The following MAST2 variants were observed in gnomAD, a reference collection of about 807,000 sequenced individuals.
MAST2 encodes microtubule-associated serine/threonine-protein kinase 2.
Under a neutral mutation model 147.4 loss-of-function variants are expected in MAST2, and 70 were observed. That is an observed-to-expected ratio of 0.47 (90% CI 0.39 to 0.58). MAST2 has a LOEUF of 0.58. Ranked by LOEUF, MAST2 falls within the 20% of genes least tolerant of loss-of-function variation. The probability of loss-of-function intolerance (pLI) is 0.00; values close to 1 mark genes in which losing one functional copy is unlikely to be tolerated. For synonymous variants in MAST2, 869 were observed against 896.8 expected (o/e 0.97, Z 0.55); for missense variants, 2,080 against 2,302.3 (o/e 0.90, Z 1.98).
In MAST2 at chr1:46,036,121, C is replaced by A; in HGVS notation, c.*55C>A. ...CTGTGTAATATATGCTCCTGGAAAC[C>A]ATCTTTATGTCTTTTGCTTGCTTGT... On this transcript the variant is annotated 3_prime_UTR_variant, in exon 29 of 29. Coordinates refer to ENST00000361297, the MANE Select transcript of MAST2 (RefSeq NM_015112.3). The A allele has an allele frequency of 6.7e-7, 1 of 1,488,944 alleles. No homozygotes were observed. The highest frequency in any genetic ancestry group is 9.1e-7 in the Non-Finnish European group (1 of 1,102,948). 92.2% of individuals were successfully genotyped at this position (1,488,944 alleles called of 1,614,324 possible).
At chr1:45,840,074 A>G (rs1318035411) in intron 3 of MAST2, among the ~76,000 whole-genome samples, 1 of 152,200 alleles carries the variant, frequency 6.6e-6, no homozygotes, top group African/African-American at 2.4e-5. Context: ...TTCTTGGAGT[A>G]AAAAAAGCTT....
intron 6 of MAST2, among the ~76,000 whole-genome samples, chr1:45,998,660 G>C (rs1221395006): frequency 6.6e-6 from 1 of 151,946 alleles, no homozygotes; most frequent in Non-Finnish European, 1.5e-5. Flanking sequence ...TATGGTTCCA[G>C]ATTTGTAACC....
chr1:45,870,432 T>C (rs1345740469), intron 3 of MAST2, among the ~76,000 whole-genome samples: 1 of 151,900 alleles, frequency 6.6e-6, no homozygotes, highest in Non-Finnish European at 1.5e-5. Context: ...CTACTTTTCA[T>C]CTTGAGGTAG....
intron 5 of MAST2, among the ~76,000 whole-genome samples, chr1:45,987,440 A>G (rs1644671329): frequency 6.6e-6 from 1 of 152,090 alleles, no homozygotes; most frequent in South Asian, 2.1e-4. Context: ...CAGCCTCTCA[A>G]GTAGCCAGGA....
intron 5 of MAST2, among the ~76,000 whole-genome samples, chr1:45,973,250 AC>A (rs35482380): frequency 0.34 from 51,431 of 149,704 alleles, 9,072 homozygotes; most frequent in African/African-American, 0.44. Context: ...TGTTCTTTGA[AC>A]TCCTGTCTTC....
chr1:46,005,679 C>T (rs1645456484), intron 7 of MAST2, among the ~76,000 whole-genome samples: 1 of 152,184 alleles, frequency 6.6e-6, no homozygotes, highest in South Asian at 2.1e-4. Flanking sequence ...TAATTTTCTT[C>T]CCTGCTGGAT....
At position 46,023,711 on chromosome 1, in the gene MAST2, G is replaced by T; in HGVS notation, c.1572-61G>T. On this transcript the variant is annotated intron_variant, in intron 14 of 28. Transcript: ENST00000361297. This position sits in a 1 kb window ranked among gnomAD's most constrained non-coding sequence, Gnocchi z 4.9. ...GGTGTGAGAGAAGGCAGTTTGGGTG[G>T]CAGAGAGCACAGCTCAGGTGCTGAG... The T allele has an allele frequency of 6.7e-7, 1 of 1,500,154 alleles. No individual in the cohort carries two copies. Among genetic ancestry groups the T allele is most frequent in the Non-Finnish European group, 9.2e-7 (1 of 1,091,890 alleles). 92.9% of individuals were successfully genotyped at this position (1,500,154 alleles called of 1,614,324 possible). A position where few individuals can be genotyped will look rare whatever the true frequency, so the allele number is the denominator to read the frequency against.
intron 4 of MAST2, among the ~76,000 whole-genome samples, chr1:45,957,590 T>C (rs757347438): frequency 4.6e-5 from 7 of 152,216 alleles, no homozygotes; most frequent in African/African-American, 7.2e-5. Flanking sequence ...GTCACCCAAG[T>C]AGCTAGGACT....
At chr1:45,968,137 T>C (rs1350981939) in intron 5 of MAST2, among the ~76,000 whole-genome samples, 1 of 152,182 alleles carries the variant, frequency 6.6e-6, no homozygotes, top group Non-Finnish European at 1.5e-5. Flanking sequence ...TATTTCAAAA[T>C]CAGAAAACAA....
chr1:45,916,164 T>C (rs1210136448), intron 4 of MAST2, among the ~76,000 whole-genome samples: 1 of 152,188 alleles, frequency 6.6e-6, no homozygotes, highest in Non-Finnish European at 1.5e-5. Flanking sequence ...AGATTTCCTT[T>C]GAATATATGT....
At chr1:45,879,570 C>T (rs1570506047) in intron 3 of MAST2, among the ~76,000 whole-genome samples, 1 of 14,556 alleles carries the variant, frequency 6.9e-5, no homozygotes, top group Non-Finnish European at 1.4e-4. Context: ...GAGACTCCAT[C>T]TCAAAAAAAA....
intron 1 of MAST2, among the ~76,000 whole-genome samples, chr1:45,813,972 G>A (rs946905510): frequency 2.6e-5 from 4 of 152,100 alleles, no homozygotes; most frequent in Non-Finnish European, 5.9e-5. Context: ...TTATAACAGA[G>A]TTGAAAAATT....
intron 4 of MAST2, among the ~76,000 whole-genome samples, chr1:45,932,293 A>G (rs1430359695): frequency 4.6e-5 from 7 of 152,118 alleles, no homozygotes; most frequent in Non-Finnish European, 2.9e-5. Context: ...CAATTTCATA[A>G]TTCTTTCTAT....
rs769236095 is a variant in MAST2, at chr1:46,010,814, C to A, written c.1063C>A (p.Leu355Met). 6.2e-7 allele frequency: 1 copy of A among 1,614,212 alleles called. No homozygotes were observed. Among genetic ancestry groups the A allele is most frequent in the East Asian group, 2.2e-5 (1 of 44,888 alleles). ...CGTGCTGCCCTTGGCAGATGGAGCC[C>A]TGAGCTTTATTCATCATCAGGTGAT... Reference protein sequence around the residue: ...DSVLPLADGALSFIHHQVIEM... With the variant: ...DSVLPLADGAMSFIHHQVIEM... The change falls in exon 10 of 29, where the codon CTG (leucine) becomes ATG (methionine). Residue 355 changes from leucine to methionine, a missense_variant. Transcript: ENST00000361297.
At chr1:45,811,780 C>T (rs1644309737) in intron 1 of MAST2, among the ~76,000 whole-genome samples, 1 of 150,420 alleles carries the variant, frequency 6.6e-6, no homozygotes, top group Non-Finnish European at 1.5e-5. Context: ...ACTACAGGCG[C>T]CCGCCACCAC....
At chr1:45,991,373 T>C (rs1644850254) in intron 5 of MAST2, among the ~76,000 whole-genome samples, 1 of 152,218 alleles carries the variant, frequency 6.6e-6, no homozygotes, top group Admixed American at 6.5e-5. Flanking sequence ...TAGGTTATTT[T>C]GCCTTTCCAT....
intron 8 of MAST2, chr1:46,006,601 A>G (rs1645497625): frequency 4.1e-6 from 1 of 246,418 alleles, no homozygotes; most frequent in Non-Finnish European, 7.4e-6. Context: ...TTTACAAAAG[A>G]AAAAAAAAAA....
At chr1:45,941,953 C>T (rs368204765) in intron 4 of MAST2, among the ~76,000 whole-genome samples, 57 of 152,266 alleles carry the variant, frequency 3.7e-4, no homozygotes, top group African/African-American at 1.2e-3. Context: ...TGTTAAGGTG[C>T]GAGAAGTTTT....
At chr1:45,860,855 CCT>C (rs1645959572) in intron 3 of MAST2, among the ~76,000 whole-genome samples, 1 of 151,986 alleles carries the variant, frequency 6.6e-6, no homozygotes, top group Non-Finnish European at 1.5e-5. Context: ...TCTTACTACT[CCT>C]CTCAACTCCT....
Sources: allele counts gnomAD v4.1 joint callset (sites outside exome capture counted in the v4.1 genomes callset), GRCh38; gene constraint gnomAD v4.1.1; non-coding constraint Gnocchi (gnomAD v3.1); transcripts MANE v1.5; gene names NCBI Gene and HGNC (gene_info 2026-07-23, HGNC 2026-07-21).